The following IMMP2L variants were observed in gnomAD, a reference collection of about 807,000 sequenced individuals.
The protein encoded by IMMP2L is mitochondrial inner membrane protease subunit 2.
A neutral mutation model predicts 19.3 loss-of-function variants in IMMP2L; 18 were observed. The observed-to-expected ratio is 0.93, with a 90% CI of 0.64 to 1.38. IMMP2L has a LOEUF of 1.38. Ranked by LOEUF, IMMP2L falls within the 40% of genes most tolerant of loss-of-function variation. The pLI, the probability that IMMP2L is intolerant of heterozygous loss-of-function variation, is 0.00. For missense variants in IMMP2L, 233 were observed against 218.2 expected, an observed-to-expected ratio of 1.07 and a Z score of -0.43; for synonymous variants, 76 against 73.0, an observed-to-expected ratio of 1.04 and a Z score of -0.21.
At chr7:111,014,392 C>A (rs1479323054) in intron 3 of IMMP2L, among the ~76,000 whole-genome samples, 1 of 151,880 alleles carries the variant, frequency 6.6e-6, no homozygotes, top group East Asian at 1.9e-4. Context: ...TATATATACA[C>A]ACACACATAC....
intron 3 of IMMP2L, among the ~76,000 whole-genome samples, chr7:111,346,352 G>T (rs1487794453): frequency 1.3e-5 from 2 of 152,148 alleles, no homozygotes; most frequent in Non-Finnish European, 2.9e-5. Context: ...GACCTAAGCA[G>T]AGCAGAGGAG....
intron 3 of IMMP2L, among the ~76,000 whole-genome samples, chr7:111,304,187 T>C (rs1200996302): frequency 1.3e-5 from 2 of 152,056 alleles, no homozygotes; most frequent in African/African-American, 2.4e-5. Flanking sequence ...ATTAAACTAA[T>C]GAAAGGATGA....
intron 3 of IMMP2L, among the ~76,000 whole-genome samples, chr7:111,195,832 C>CATTTA (rs1809425772): frequency 7.2e-6 from 1 of 138,430 alleles, no homozygotes; most frequent in Non-Finnish European, 1.5e-5. Flanking sequence ...TATTTTATTT[C>CATTTA]ATTTCATTTC....
chr7:111,278,435 T>C (rs1276702161), intron 3 of IMMP2L, among the ~76,000 whole-genome samples: 2 of 152,152 alleles, frequency 1.3e-5, no homozygotes, highest in Non-Finnish European at 2.9e-5. Flanking sequence ...TTTTGTAAAA[T>C]GACACACTTT....
chr7:110,811,066 G>A (rs1342690437), intron 5 of IMMP2L, among the ~76,000 whole-genome samples: 1 of 151,896 alleles, frequency 6.6e-6, no homozygotes, highest in East Asian at 1.9e-4. Context: ...GATTCCCCAG[G>A]CTCTGGCTTC....
intron 1 of IMMP2L, among the ~76,000 whole-genome samples, chr7:111,557,862 A>C (rs1791551710): frequency 6.6e-6 from 1 of 152,120 alleles, no homozygotes; most frequent in Admixed American, 6.5e-5. Flanking sequence ...TTAATGAATA[A>C]GGTACGAGTC....
intron 3 of IMMP2L, among the ~76,000 whole-genome samples, chr7:111,335,069 T>G (rs1334291644): frequency 6.6e-6 from 1 of 152,028 alleles, no homozygotes; most frequent in Non-Finnish European, 1.5e-5. Flanking sequence ...TCAGCTGAGA[T>G]TCACACTTAC....
At chr7:111,522,910 T>C (rs943609928) in intron 1 of IMMP2L, among the ~76,000 whole-genome samples, 1 of 150,158 alleles carries the variant, frequency 6.7e-6, no homozygotes, top group African/African-American at 2.5e-5. Context: ...ATGAATGAAC[T>C]TTAAGATGTG....
At chr7:111,243,335 C>A (rs1023510523) in intron 3 of IMMP2L, among the ~76,000 whole-genome samples, 1 of 151,998 alleles carries the variant, frequency 6.6e-6, no homozygotes, top group South Asian at 2.1e-4. Flanking sequence ...ATAACTGAGG[C>A]ATGTTGACAG....
intron 4 of IMMP2L, among the ~76,000 whole-genome samples, chr7:110,952,546 G>A (rs953935735): frequency 1.3e-5 from 2 of 152,108 alleles, no homozygotes; most frequent in Non-Finnish European, 2.9e-5. Flanking sequence ...GAGGTTCATG[G>A]TAGAACTAAG....
intron 3 of IMMP2L, among the ~76,000 whole-genome samples, chr7:111,125,817 CTTT>C (rs1217257175): frequency 1.9e-3 from 193 of 100,134 alleles, no homozygotes; most frequent in African/African-American, 7.0e-3. Flanking sequence ...AGGCCGCTTG[CTTT>C]TTTTTTTTTT....
intron 3 of IMMP2L, among the ~76,000 whole-genome samples, chr7:111,446,898 T>A (rs1838522504): frequency 6.7e-6 from 1 of 150,070 alleles, no homozygotes. Context: ...GCTCGAGAAC[T>A]ACGTGAAGAA....
chr7:111,037,997 C>T (rs1791515236), intron 3 of IMMP2L, among the ~76,000 whole-genome samples: 1 of 152,136 alleles, frequency 6.6e-6, no homozygotes, highest in African/African-American at 2.4e-5. Context: ...CACAGAAAAA[C>T]TCTGTCCCAT....
intron 5 of IMMP2L, among the ~76,000 whole-genome samples, chr7:110,737,420 C>T (rs1796709544): frequency 6.6e-6 from 1 of 152,152 alleles, no homozygotes; most frequent in Non-Finnish European, 1.5e-5. Context: ...TCCTCCACTT[C>T]CCTGGCAACT....
intron 3 of IMMP2L, among the ~76,000 whole-genome samples, chr7:111,348,343 T>C (rs1194548138): frequency 6.6e-6 from 1 of 152,132 alleles, no homozygotes; most frequent in African/African-American, 2.4e-5. Context: ...AAAGTGCTTA[T>C]ATAAAATCTT....
At chr7:111,077,020 G>A (rs1161889310) in intron 3 of IMMP2L, among the ~76,000 whole-genome samples, 1 of 152,206 alleles carries the variant, frequency 6.6e-6, no homozygotes, top group Non-Finnish European at 1.5e-5. Context: ...CTCAGGCTCA[G>A]GTGGAATCAG....
intron 3 of IMMP2L, among the ~76,000 whole-genome samples, chr7:111,302,427 G>T (rs551641829): frequency 6.6e-6 from 1 of 152,188 alleles, no homozygotes; most frequent in East Asian, 1.9e-4. Flanking sequence ...ATGAAGTGTG[G>T]CATGAATAAT....
At chr7:110,938,037 C>G (rs950306148) in intron 4 of IMMP2L, among the ~76,000 whole-genome samples, 7 of 152,122 alleles carry the variant, frequency 4.6e-5, no homozygotes, top group Non-Finnish European at 8.8e-5. Context: ...TCATGCTCCT[C>G]ACACCTTCCT....
intron 3 of IMMP2L, among the ~76,000 whole-genome samples, chr7:111,221,043 A>G (rs539181839): frequency 6.6e-6 from 1 of 152,090 alleles, no homozygotes; most frequent in South Asian, 2.1e-4. Context: ...AACAACCTAA[A>G]ATAATGTTTA....
Sources: gnomAD v4.1 joint callset for allele counts (sites outside exome capture counted in the v4.1 genomes callset) on GRCh38, gnomAD v4.1.1 for gene constraint, MANE v1.5 for transcripts, NCBI Gene and HGNC (gene_info 2026-07-23, HGNC 2026-07-21) for gene names.